Variants in PCNT observed in about 807,000 individuals in gnomAD.
The protein encoded by PCNT is pericentrin.
PCNT carries 319 observed loss-of-function variants against 380.4 expected under a neutral mutation model. The observed-to-expected ratio is 0.84, with a 90% CI of 0.77 to 0.92. The LOEUF (loss-of-function observed/expected upper bound fraction) is 0.92. Among genes scored for constraint, PCNT ranks in the 40% least tolerant of loss-of-function variants. The pLI is 0.00. For synonymous variants in PCNT, 1,845 were observed against 1,735.2 expected, an observed-to-expected ratio of 1.06 and a Z score of -1.57; for missense variants, 4,400 against 4,255.3, an observed-to-expected ratio of 1.03 and a Z score of -0.95.
chr21:46,436,449 T>G, intron 39 of PCNT, among the ~76,000 whole-genome samples: 1 of 84,904 alleles, frequency 1.2e-5, no homozygotes, highest in African/African-American at 3.9e-5. Flanking sequence ...ACCCACAGGG[T>G]CGGGTTTGGA....
rs538061874 is a variant in PCNT at position 46,383,502 on chromosome 21, C to A, written c.3312+1662C>A. ...TGTTGTATATTCAGTGGCGGAAGCG[C>A]ATTCACCATGTTGTATATTCAGTGG... is the stretch of plus-strand genomic sequence containing the variant. On this transcript the variant is annotated intron_variant, in intron 16 of 46. Transcript: ENST00000359568. Among the ~76,000 whole-genome samples the A allele has an allele frequency of 3.2e-4, 45 of 142,498 alleles. 3 individuals are homozygous for A. The highest frequency in any genetic ancestry group is 7.9e-3 in the Middle Eastern group (2 of 254). The allele number at this position is 142,498 out of a possible 152,430, so 93.5% of individuals were successfully genotyped here. A position where few individuals can be genotyped will look rare whatever the true frequency, so the allele number is the denominator to read the frequency against.
chr21:46,398,105 A>G lies in PCNT; in HGVS notation c.4538A>G (p.Gln1513Arg). ...EGQLRQAAKP[Q>R]PWGPRDSQQA... ...CAGCTCCGCCAGGCGGCCAAGCCGCAGCCCTGGGGCCCTCGCGACAGCCAG... is the reference window on the plus strand; with the variant it reads ...CAGCTCCGCCAGGCGGCCAAGCCGCGGCCCTGGGGCCCTCGCGACAGCCAG... The change falls in exon 23 of 47, where the codon CAG becomes CGG. Residue 1513 changes from glutamine (Q) to arginine (R), a missense_variant. Coordinates refer to ENST00000359568, the MANE Select transcript of PCNT (RefSeq NM_006031.6). 6.2e-7 allele frequency: 1 copy of G among 1,604,288 alleles called. No individual in the cohort carries two copies. The highest frequency in any genetic ancestry group is 8.5e-7 in the Non-Finnish European group (1 of 1,176,316).
chr21:46,424,714 G>A (rs1160545757), intron 32 of PCNT, among the ~76,000 whole-genome samples: 1 of 81,058 alleles, frequency 1.2e-5, no homozygotes, highest in Non-Finnish European at 2.6e-5. Context: ...CTCCCACTGC[G>A]CCCCCCCCAA....
At chr21:46,347,093 A>G in intron 5 of PCNT, 95 bp downstream of exon 5, 2 of 1,432,754 alleles carry the variant, frequency 1.4e-6, no homozygotes, top group Non-Finnish European at 1.9e-6. Flanking sequence ...GGGGCGCCCT[A>G]GCACCGTCTC....
chr21:46,380,271 C>T (rs1601896577), intron 15 of PCNT, among the ~76,000 whole-genome samples: 1 of 148,638 alleles, frequency 6.7e-6, no homozygotes, highest in African/African-American at 2.5e-5. Context: ...ACACCATTCT[C>T]CTGCCTCAGA....
At chr21:46,331,384 G>A (rs921788793) in intron 2 of PCNT, among the ~76,000 whole-genome samples, 4 of 152,090 alleles carry the variant, frequency 2.6e-5, no homozygotes, top group African/African-American at 7.2e-5. Context: ...GGTTATAAGC[G>A]AAGGTAGAAT....
chr21:46,357,724 C>T (rs766234235), intron 13 of PCNT, among the ~76,000 whole-genome samples: 16 of 152,208 alleles, frequency 1.1e-4, no homozygotes, highest in African/African-American at 2.9e-4. Flanking sequence ...CCACCACGCC[C>T]GGCCCTCTGA....
chr21:46,399,824 C>T (rs1216948236), intron 25 of PCNT, 28 bp downstream of exon 25: 2 of 1,596,866 alleles, frequency 1.3e-6, no homozygotes, highest in East Asian at 2.2e-5. Context: ...TGTGGTTGGG[C>T]ACGTGGTGAG....
In PCNT at chr21:46,416,313, A is replaced by C; in HGVS notation, c.6395A>C (p.Asn2132Thr). ...CCCCACATAGACACATGTGATGCCAATACAGCCACGGGGGGTGTAACTGAT... is the reference window on the plus strand; with the variant it reads ...CCCCACATAGACACATGTGATGCCACTACAGCCACGGGGGGTGTAACTGAT... Reference protein sequence around the residue: ...ISPHIDTCDANTATGGVTDVI... With the variant: ...ISPHIDTCDATTATGGVTDVI... The change falls in exon 30 of 47, where the codon AAT (asparagine) becomes ACT (threonine). Residue 2132 changes from asparagine (N) to threonine (T), a missense_variant. Coordinates refer to ENST00000359568, the MANE Select transcript of PCNT (RefSeq NM_006031.6). 1 of 1,613,976 alleles carries C rather than the reference A, an allele frequency of 6.2e-7. No homozygotes were observed. The highest frequency in any genetic ancestry group is 1.1e-5 in the South Asian group (1 of 91,058).
At chr21:46,399,922 A>C (rs2086364638) in intron 25 of PCNT, 126 bp downstream of exon 25, 2 of 820,192 alleles carry the variant, frequency 2.4e-6, no homozygotes. Flanking sequence ...TCTGCACCAG[A>C]AACACTGGCG....
At chr21:46,411,154 A>G in intron 27 of PCNT, 35 bp from the exon 28 acceptor site, 2 of 1,607,968 alleles carry the variant, frequency 1.2e-6, no homozygotes, top group South Asian at 1.1e-5. Flanking sequence ...AAGTGGATAC[A>G]TTTAATTTGC....
At chr21:46,443,362 C>T (rs1297236158) in intron 44 of PCNT, among the ~76,000 whole-genome samples, 1 of 152,224 alleles carries the variant, frequency 6.6e-6, no homozygotes, top group African/African-American at 2.4e-5. Context: ...GGACTGTGGG[C>T]ATGAGCACTG....
chr21:46,401,693 A>G lies in PCNT; in HGVS notation c.4934A>G (p.Gln1645Arg), dbSNP rs1461685435. ...EGPEIQLEVTQRALLRRESEV... is the reference protein window; with the variant it reads ...EGPEIQLEVTRRALLRRESEV... ...CCAGAAATACAGTTAGAGGTGACAC[A>G]GAGAGCACTCCTGCGGCGCGAGAGC... is the stretch of plus-strand genomic sequence containing the variant. The change falls in exon 26 of 47, where the codon CAG becomes CGG. Residue 1645 changes from glutamine (Q) to arginine (R), a missense_variant. Gln to Arg is a conservative substitution (Grantham distance 43). Transcript: ENST00000359568. The G allele has an allele frequency of 1.9e-6, 3 of 1,614,098 alleles. No homozygotes were observed. The highest frequency in any genetic ancestry group is 1.6e-4 in the Middle Eastern group (1 of 6,062).
In PCNT at chr21:46,436,041, G is replaced by T. The variant is rs151325202; in HGVS notation, c.8889G>T (p.Ser2963=). 6.2e-7 allele frequency: 1 copy of T among 1,613,850 alleles called. No individual in the cohort carries two copies. Among genetic ancestry groups the T allele is most frequent in the Non-Finnish European group, 8.5e-7 (1 of 1,179,984 alleles). The change falls in exon 39 of 47, where the codon TCG becomes TCT. Residue 2963 remains serine (S), a synonymous_variant. Coordinates refer to ENST00000359568, the MANE Select transcript of PCNT (RefSeq NM_006031.6). ...GTTCTGCCCGCAGGGCTGCCGGCTC[G>T]GATGCGGACCACCTCCGGGAACAGC... ...HLGSARRAAG[S]DADHLREQQR... is the part of the protein sequence containing the mutation.
intron 27 of PCNT, among the ~76,000 whole-genome samples, chr21:46,406,462 T>C (rs909891608): frequency 6.6e-6 from 1 of 152,276 alleles, no homozygotes; most frequent in African/African-American, 2.4e-5. Context: ...ACCTTTTGTA[T>C]GTTAACCTTG....
At chr21:46,381,577 T>C in intron 15 of PCNT, 117 bp from the exon 16 acceptor site, 1 of 937,414 alleles carries the variant, frequency 1.1e-6, no homozygotes, top group Non-Finnish European at 1.7e-6. Context: ...TCATCCCGGC[T>C]CTTGGTGCAG....
chr21:46,434,137 G>T (rs929445568), intron 38 of PCNT, among the ~76,000 whole-genome samples: 5 of 152,230 alleles, frequency 3.3e-5, no homozygotes, highest in African/African-American at 1.2e-4. Flanking sequence ...CCCTTCTCTA[G>T]CTGTAGCCAT....
chr21:46,388,944 G>A lies in PCNT; in HGVS notation c.3607+60G>A, dbSNP rs1216290431. The A allele has an allele frequency of 1.5e-5, 23 of 1,542,692 alleles. No homozygotes were observed. The Admixed American group carries it at 4.3e-4, about 29-fold the overall frequency. ...CTTGCAGCCCCTCTGTGGTCCTGGA[G>A]CTCTCTGAGAGGAGCCTCCGTATTG... On this transcript the variant is annotated intron_variant, in intron 18 of 46. Transcript: ENST00000359568. This position sits in a 1 kb window ranked among gnomAD's most constrained non-coding sequence, Gnocchi z 4.2.
At chr21:46,371,914 G>GCACACAGCACATGCGCATGCT (rs2085146949) in intron 15 of PCNT, among the ~76,000 whole-genome samples, 1 of 137,916 alleles carries the variant, frequency 7.3e-6, no homozygotes, top group Non-Finnish European at 1.6e-5. Context: ...GCACATGTGC[G>GCACACAGCACATGCGCATGCT]CACACAGCAC....
Sources: gnomAD v4.1 joint callset for allele counts (sites outside exome capture counted in the v4.1 genomes callset) on GRCh38, gnomAD v4.1.1 for gene constraint, Gnocchi (gnomAD v3.1) non-coding constraint, MANE v1.5 for transcripts, NCBI Gene and HGNC (gene_info 2026-07-23, HGNC 2026-07-21) for gene names.